KCND2: variants seen among roughly 807,000 people sequenced by gnomAD.
KCND2 encodes the protein A-type voltage-gated potassium channel KCND2.
In KCND2, 16 loss-of-function variants were observed where a neutral mutation model predicts 54.4. The observed-to-expected ratio is 0.29, with a 90% CI of 0.20 to 0.45. The LOEUF (loss-of-function observed/expected upper bound fraction) is 0.45. Among genes scored for constraint, KCND2 ranks in the 20% least tolerant of loss-of-function variants. The pLI, the probability that KCND2 is intolerant of heterozygous loss-of-function variation, is 1.00. For synonymous variants in KCND2, 317 were observed against 310.7 expected, an observed-to-expected ratio of 1.02 and a Z score of -0.21; for missense variants, 486 against 824.2, an observed-to-expected ratio of 0.59 and a Z score of 5.02.
chr7:120,678,765 TATATATATATATAC>T (rs1413701524), intron 1 of KCND2, among the ~76,000 whole-genome samples: 1 of 124,312 alleles, frequency 8.0e-6, no homozygotes, highest in Non-Finnish European at 1.7e-5. Flanking sequence ...TATATATATA[TATATATATATATAC>T]ACATAAACAC....
intron 1 of KCND2, among the ~76,000 whole-genome samples, chr7:120,391,467 T>C (rs1207071614): frequency 1.3e-5 from 2 of 152,244 alleles, no homozygotes; most frequent in East Asian, 3.9e-4. Flanking sequence ...GTATTTCTGG[T>C]TCTAGATCCT....
intron 1 of KCND2, among the ~76,000 whole-genome samples, chr7:120,667,676 G>T (rs568517542): frequency 6.6e-6 from 1 of 152,108 alleles, no homozygotes; most frequent in East Asian, 1.9e-4. Flanking sequence ...TAGCTTAGAG[G>T]CATTAGAGTT....
intron 1 of KCND2, among the ~76,000 whole-genome samples, chr7:120,472,562 T>C (rs1802473709): frequency 6.7e-6 from 1 of 149,528 alleles, no homozygotes; most frequent in Non-Finnish European, 1.5e-5. Context: ...AGACTTTAAA[T>C]ACACACACAC....
intron 1 of KCND2, among the ~76,000 whole-genome samples, chr7:120,693,057 G>C (rs1334630695): frequency 6.6e-6 from 1 of 152,076 alleles, no homozygotes; most frequent in Non-Finnish European, 1.5e-5. Flanking sequence ...ATAGAAACAA[G>C]AAGTAGAATT....
intron 1 of KCND2, among the ~76,000 whole-genome samples, chr7:120,549,425 AT>A (rs1792080304): frequency 1.3e-5 from 2 of 152,188 alleles, no homozygotes; most frequent in South Asian, 4.1e-4. Context: ...GAAGAGAGTC[AT>A]TTTCTCTAAG....
chr7:120,452,474 T>C (rs1401982671), intron 1 of KCND2, among the ~76,000 whole-genome samples: 1 of 152,056 alleles, frequency 6.6e-6, no homozygotes, highest in Non-Finnish European at 1.5e-5. Flanking sequence ...GGGAAGGCAC[T>C]GGGAGTGGAC....
intron 1 of KCND2, among the ~76,000 whole-genome samples, chr7:120,407,204 G>A (rs1801374051): frequency 3.3e-5 from 5 of 151,984 alleles, no homozygotes; most frequent in Admixed American, 2.6e-4. Flanking sequence ...TCATCCCACA[G>A]CGTAGATGTG....
At chr7:120,531,720 G>T (rs368131147) in intron 1 of KCND2, among the ~76,000 whole-genome samples, 1 of 151,972 alleles carries the variant, frequency 6.6e-6, no homozygotes, top group Non-Finnish European at 1.5e-5. Flanking sequence ...ACCTTATTTC[G>T]TATTTCACTT....
At chr7:120,406,201 G>T (rs1411334543) in intron 1 of KCND2, among the ~76,000 whole-genome samples, 1 of 151,742 alleles carries the variant, frequency 6.6e-6, no homozygotes, top group East Asian at 1.9e-4. Flanking sequence ...TTTACTTCTT[G>T]AAAAAAATTT....
intron 1 of KCND2, among the ~76,000 whole-genome samples, chr7:120,629,518 A>G (rs1483463731): frequency 6.6e-6 from 1 of 152,218 alleles, no homozygotes; most frequent in Non-Finnish European, 1.5e-5. Context: ...GAAAGGATGC[A>G]AAACAAATGA....
At chr7:120,562,825 G>A (rs1343560039) in intron 1 of KCND2, among the ~76,000 whole-genome samples, 3 of 152,000 alleles carry the variant, frequency 2.0e-5, no homozygotes, top group Non-Finnish European at 4.4e-5. Flanking sequence ...TCAATAATAA[G>A]CAAATACAGA....
intron 1 of KCND2, among the ~76,000 whole-genome samples, chr7:120,527,005 A>G (rs533062299): frequency 1.3e-5 from 2 of 152,286 alleles, no homozygotes; most frequent in African/African-American, 2.4e-5. Context: ...CATAACCAAT[A>G]GAGCTCATGA....
chr7:120,747,998 A>G lies in KCND2; in HGVS notation c.*140A>G, dbSNP rs1055749383. Reference sequence around the variant, plus strand: ...TTGGTAGTGAAACACAAAGCTTCCAATCTTAAGGATGTGAATAAAACCACC... The same window carrying G: ...TTGGTAGTGAAACACAAAGCTTCCAGTCTTAAGGATGTGAATAAAACCACC... On this transcript the variant is annotated 3_prime_UTR_variant, in exon 6 of 6. Transcript: ENST00000331113. 1.3e-5 allele frequency: 9 copies of G among 710,770 alleles called. No homozygotes were observed. Among genetic ancestry groups the G allele is most frequent in the Non-Finnish European group, 1.9e-5 (8 of 416,392 alleles). The allele number at this position is 710,770 out of a possible 1,614,324, so 44.0% of individuals were successfully genotyped here. A position where few individuals can be genotyped will look rare whatever the true frequency, so the allele number is the denominator to read the frequency against.
chr7:120,287,133 T>A (rs1198318480), intron 1 of KCND2, among the ~76,000 whole-genome samples: 1 of 152,144 alleles, frequency 6.6e-6, no homozygotes, highest in African/African-American at 2.4e-5. Context: ...GAAGTGTGGC[T>A]GCACCAGTAG....
chr7:120,648,813 A>G (rs752239323), intron 1 of KCND2, among the ~76,000 whole-genome samples: 53 of 152,210 alleles, frequency 3.5e-4, no homozygotes, highest in Admixed American at 5.2e-4. Flanking sequence ...CTGAAATAGC[A>G]TTTCATCTAA....
chr7:120,568,240 A>G (rs1792322042), intron 1 of KCND2, among the ~76,000 whole-genome samples: 1 of 152,128 alleles, frequency 6.6e-6, no homozygotes, highest in Admixed American at 6.6e-5. Flanking sequence ...TATTAAGCTA[A>G]AAAATTATCA....
At chr7:120,646,268 G>T (rs1213480919) in intron 1 of KCND2, among the ~76,000 whole-genome samples, 1 of 152,122 alleles carries the variant, frequency 6.6e-6, no homozygotes, top group Non-Finnish European at 1.5e-5. Context: ...CATTGCTGTG[G>T]CATTAACATC....
intron 1 of KCND2, among the ~76,000 whole-genome samples, chr7:120,487,910 G>A (rs1802717667): frequency 6.6e-6 from 1 of 152,176 alleles, no homozygotes; most frequent in South Asian, 2.1e-4. Flanking sequence ...GCCAGGTGTG[G>A]TGACTCATGC....
intron 1 of KCND2, among the ~76,000 whole-genome samples, chr7:120,409,494 G>T (rs982923091): frequency 6.6e-6 from 1 of 151,802 alleles, no homozygotes; most frequent in African/African-American, 2.4e-5. Context: ...ATTTTTTGCC[G>T]CATTTTGCAT....
Sources: allele counts gnomAD v4.1 joint callset (sites outside exome capture counted in the v4.1 genomes callset), GRCh38; gene constraint gnomAD v4.1.1; transcripts MANE v1.5; gene names NCBI Gene and HGNC (gene_info 2026-07-23, HGNC 2026-07-21).